The following PTPRG variants were observed in gnomAD, a reference collection of about 807,000 sequenced individuals.
The protein encoded by PTPRG is receptor-type tyrosine-protein phosphatase gamma.
A neutral mutation model predicts 165.3 loss-of-function variants in PTPRG; 102 were observed. That is an observed-to-expected ratio of 0.62 (90% CI 0.53 to 0.73). The LOEUF is 0.73. Among genes scored for constraint, PTPRG ranks in the 30% least tolerant of loss-of-function variants. PTPRG has a pLI of 0.00. For synonymous variants in PTPRG, 675 were observed against 669.5 expected (o/e 1.01, Z -0.13); for missense variants, 1,866 against 1,861.4 (o/e 1.00, Z -0.05).
chr3:62,015,986 T>C (rs2041535265), intron 4 of PTPRG, among the ~76,000 whole-genome samples: 1 of 152,166 alleles, frequency 6.6e-6, no homozygotes, highest in Admixed American at 6.5e-5. Context: ...TCAAATCTTG[T>C]GTAATACCTA....
intron 1 of PTPRG, among the ~76,000 whole-genome samples, chr3:61,655,064 G>T (rs878902130): frequency 6.6e-6 from 1 of 152,090 alleles, no homozygotes; most frequent in Admixed American, 6.5e-5. Context: ...TGGGATTACA[G>T]GCGTGAGCCA....
chr3:61,808,755 A>G (rs1287239188), intron 2 of PTPRG, among the ~76,000 whole-genome samples: 1 of 151,990 alleles, frequency 6.6e-6, no homozygotes, highest in Non-Finnish European at 1.5e-5. Context: ...ATTTGGCCAG[A>G]GAAGCTCAGT....
intron 7 of PTPRG, among the ~76,000 whole-genome samples, chr3:62,162,985 C>T (rs1470966516): frequency 6.6e-6 from 1 of 152,134 alleles, no homozygotes; most frequent in Admixed American, 6.6e-5. Flanking sequence ...ATTGGGAAGG[C>T]CTCAGGAAAC....
intron 2 of PTPRG, among the ~76,000 whole-genome samples, chr3:61,763,875 T>A (rs934773284): frequency 1.3e-5 from 2 of 152,206 alleles, no homozygotes; most frequent in African/African-American, 4.8e-5. Flanking sequence ...TAGTTACATT[T>A]GGCTATTTAA....
chr3:61,654,253 T>C (rs1313620953), intron 1 of PTPRG, among the ~76,000 whole-genome samples: 2 of 152,080 alleles, frequency 1.3e-5, no homozygotes, highest in Admixed American at 1.3e-4. Context: ...ACCCATATGC[T>C]AGATAATTGA....
chr3:61,956,594 T>A (rs557688761), intron 2 of PTPRG, among the ~76,000 whole-genome samples: 1 of 152,254 alleles, frequency 6.6e-6, no homozygotes, highest in Non-Finnish European at 1.5e-5. Flanking sequence ...GATATGCCAG[T>A]CACCATATCT....
chr3:61,716,980 A>G (rs1040775771), intron 1 of PTPRG, among the ~76,000 whole-genome samples: 1 of 152,236 alleles, frequency 6.6e-6, no homozygotes, highest in Non-Finnish European at 1.5e-5. Flanking sequence ...TCAACAAAAA[A>G]TAAAAAATAA....
At chr3:61,768,794 A>G (rs1365399291) in intron 2 of PTPRG, among the ~76,000 whole-genome samples, 2 of 152,044 alleles carry the variant, frequency 1.3e-5, no homozygotes, top group Non-Finnish European at 2.9e-5. Context: ...CCCAGGGAAG[A>G]GGGGTATGGG....
At chr3:61,844,464 GTA>G (rs965930900) in intron 2 of PTPRG, among the ~76,000 whole-genome samples, 4 of 152,076 alleles carry the variant, frequency 2.6e-5, no homozygotes, top group African/African-American at 7.2e-5. Context: ...TATTTGTCCT[GTA>G]TCAGAAATTC....
rs189242064 is a variant in PTPRG, at chr3:62,171,269, C to A, written c.1033+3106C>A. ...GGATATATCTCTATTGGGCATACAC[C>A]CAGGAGTAAAATGGCAGCATCCTAG... is the stretch of plus-strand genomic sequence containing the variant. On this transcript the variant is annotated intron_variant, in intron 8 of 29. Coordinates refer to ENST00000474889, the MANE Select transcript of PTPRG (RefSeq NM_002841.4). Among the ~76,000 whole-genome samples, 7 of 152,194 alleles carry A rather than the reference C, an allele frequency of 4.6e-5. No individual in the cohort carries two copies. The East Asian group carries it at 1.4e-3, about 29-fold the overall frequency.
rs10662046 is a variant in PTPRG at position 61,610,749 on chromosome 3, GCCTCCCTC to G, written c.85+48393_85+48400del. On this transcript the variant is annotated intron_variant, in intron 1 of 29. Coordinates refer to ENST00000474889, the MANE Select transcript of PTPRG (RefSeq NM_002841.4). Reference sequence around the variant, plus strand: ...TCTCTCATTGCCTTCCTGCCTCCCTGCCTCCCTCCCTCCCTCCCTCCCTACCTCCCTCC... The same window carrying G: ...TCTCTCATTGCCTTCCTGCCTCCCTGCCTCCCTCCCTCCCTACCTCCCTCC... Among the ~76,000 whole-genome samples, 75 of 98,630 alleles carry G rather than the reference GCCTCCCTC, an allele frequency of 7.6e-4. 7 individuals are homozygous for G. The South Asian group carries it at 0.026, about 34-fold the overall frequency. The allele number at this position is 98,630 out of a possible 152,430, so 64.7% of individuals were successfully genotyped here.
At chr3:61,799,914 T>C (rs1465641629) in intron 2 of PTPRG, among the ~76,000 whole-genome samples, 1 of 152,212 alleles carries the variant, frequency 6.6e-6, no homozygotes, top group East Asian at 1.9e-4. Flanking sequence ...TGGAAGATGC[T>C]GTACTATCAC....
intron 2 of PTPRG, among the ~76,000 whole-genome samples, chr3:61,915,327 C>T (rs905010007): frequency 6.6e-6 from 1 of 152,158 alleles, no homozygotes; most frequent in Admixed American, 6.5e-5. Flanking sequence ...CTTTTCTTTG[C>T]ATGTTTGGAA....
intron 28 of PTPRG, among the ~76,000 whole-genome samples, chr3:62,284,820 AT>A (rs1427707703): frequency 6.6e-6 from 1 of 152,094 alleles, no homozygotes; most frequent in African/African-American, 2.4e-5. Flanking sequence ...GGTGCCATCG[AT>A]TCTTTCAGTA....
At chr3:61,933,202 A>C (rs2039403774) in intron 2 of PTPRG, among the ~76,000 whole-genome samples, 1 of 152,202 alleles carries the variant, frequency 6.6e-6, no homozygotes, top group Non-Finnish European at 1.5e-5. Flanking sequence ...TTCTCTTTTC[A>C]ACTTCAGGTT....
chr3:61,911,366 G>GC (rs1413938742), intron 2 of PTPRG, among the ~76,000 whole-genome samples: 4 of 152,104 alleles, frequency 2.6e-5, no homozygotes, highest in Non-Finnish European at 2.9e-5. Context: ...AAAAGAGTAG[G>GC]CAAATTAAAT....
At chr3:61,914,926 A>G (rs2038897043) in intron 2 of PTPRG, among the ~76,000 whole-genome samples, 1 of 152,204 alleles carries the variant, frequency 6.6e-6, no homozygotes, top group African/African-American at 2.4e-5. Flanking sequence ...AAGCATATCT[A>G]TTACATACAT....
chr3:61,664,788 G>A (rs367966054), intron 1 of PTPRG, among the ~76,000 whole-genome samples: 1 of 152,138 alleles, frequency 6.6e-6, no homozygotes, highest in African/African-American at 2.4e-5. Context: ...CCGAGATCGC[G>A]CCATTGCACT....
chr3:61,701,320 C>G (rs563029658), intron 1 of PTPRG, among the ~76,000 whole-genome samples: 2 of 152,256 alleles, frequency 1.3e-5, no homozygotes, highest in Admixed American at 1.3e-4. Flanking sequence ...TCTGACAACT[C>G]CTCAATATCA....
Sources: gnomAD v4.1 joint callset for allele counts (sites outside exome capture counted in the v4.1 genomes callset) on GRCh38, gnomAD v4.1.1 for gene constraint, MANE v1.5 for transcripts, NCBI Gene and HGNC (gene_info 2026-07-23, HGNC 2026-07-21) for gene names.